CLPB: variants seen among roughly 807,000 people sequenced by gnomAD.
The protein encoded by CLPB is mitochondrial disaggregase.
CLPB carries 40 observed loss-of-function variants against 78.4 expected under a neutral mutation model. The observed-to-expected ratio is 0.51, with a 90% CI of 0.40 to 0.66. The LOEUF (loss-of-function observed/expected upper bound fraction) is 0.66. CLPB is among the 30% of genes least tolerant of loss of function. CLPB has a pLI of 0.00. For missense variants in CLPB, 780 were observed against 886.9 expected, an observed-to-expected ratio of 0.88 and a Z score of 1.53; for synonymous variants, 333 against 348.0, an observed-to-expected ratio of 0.96 and a Z score of 0.48.
Position 72,293,293 on chromosome 11 carries a change from T to C in CLPB, c.*74A>G, listed in dbSNP as rs975580184. The C allele has an allele frequency of 6.4e-6, 10 of 1,553,136 alleles. No homozygotes were observed. The highest frequency in any genetic ancestry group is 1.7e-5 in the Admixed American group (1 of 57,400). The stretch of plus-strand genomic sequence containing the variant: ...AGATGGGAGCGGCATGAGGGGAAGG[T>C]AAGTCAGTTGCCATGCCACAGCCAA... On this transcript the variant is annotated 3_prime_UTR_variant, in exon 16 of 16. Transcript: ENST00000538039.
intron 2 of CLPB, among the ~76,000 whole-genome samples, chr11:72,404,873 T>C (rs1347839940): frequency 6.6e-6 from 1 of 152,200 alleles, no homozygotes; most frequent in East Asian, 1.9e-4. Context: ...GAAGGTCCCT[T>C]ACTATACATA....
At chr11:72,399,920 G>A (rs2135072803) in intron 3 of CLPB, among the ~76,000 whole-genome samples, 1 of 152,250 alleles carries the variant, frequency 6.6e-6, no homozygotes, top group South Asian at 2.1e-4. Context: ...TGCTGGTATG[G>A]ATATGCTAAT....
intron 11 of CLPB, among the ~76,000 whole-genome samples, chr11:72,301,135 T>C (rs1949647714): frequency 6.6e-6 from 1 of 152,236 alleles, no homozygotes; most frequent in African/African-American, 2.4e-5. Context: ...TTAGTGATAA[T>C]GGCTGTAACG....
At chr11:72,422,276 A>AC (rs1489076835) in intron 2 of CLPB, among the ~76,000 whole-genome samples, 12 of 150,766 alleles carry the variant, frequency 8.0e-5, no homozygotes, top group Non-Finnish European at 1.0e-4. Flanking sequence ...AAAAAAAAAA[A>AC]AAAAAAAAAA....
chr11:72,331,630 AG>A (rs1438237082), intron 5 of CLPB, among the ~76,000 whole-genome samples: 1 of 129,738 alleles, frequency 7.7e-6, no homozygotes, highest in Non-Finnish European at 1.6e-5. Flanking sequence ...GCTGGAGTGC[AG>A]TGGCGTGATA....
At chr11:72,344,218 T>C (rs1950471341) in intron 5 of CLPB, among the ~76,000 whole-genome samples, 1 of 152,112 alleles carries the variant, frequency 6.6e-6, no homozygotes, top group South Asian at 2.1e-4. Context: ...TAAAAAAACA[T>C]ATTTTTTTGA....
At chr11:72,408,243 C>A in intron 2 of CLPB, 1 of 1,399,406 alleles carries the variant, frequency 7.1e-7, no homozygotes, top group Non-Finnish European at 9.8e-7. Flanking sequence ...CCCTGGAGTC[C>A]AAAGGCTGGA....
At chr11:72,410,586 A>G (rs1855847511) in intron 2 of CLPB, 2 of 152,234 alleles carry the variant, frequency 1.3e-5, no homozygotes, top group Non-Finnish European at 2.9e-5. Flanking sequence ...AGGATGATAC[A>G]GGAAAAGGTA....
intron 2 of CLPB, among the ~76,000 whole-genome samples, chr11:72,424,087 CAA>C (rs1274843753): frequency 2.6e-5 from 4 of 152,232 alleles, no homozygotes; most frequent in Non-Finnish European, 5.9e-5. Flanking sequence ...CCCAAACAGA[CAA>C]AGACAGTGGC....
At position 72,376,831 on chromosome 11, in the gene CLPB, C is replaced by A. The variant is rs529396756; in HGVS notation, c.646+3450G>T. On this transcript the variant is annotated intron_variant, in intron 4 of 15. Transcript: ENST00000538039. ...GGACTACAGGCATGCACCACCACGC[C>A]CTGCTAAGTTTTGTATTTTTAGTAG... Among the ~76,000 whole-genome samples, 789 of 152,170 alleles carry A rather than the reference C, an allele frequency of 5.2e-3. 5 individuals are homozygous for A. The highest frequency in any genetic ancestry group is 7.8e-3 in the Non-Finnish European group (530 of 68,024).
intron 3 of CLPB, among the ~76,000 whole-genome samples, chr11:72,398,365 G>T (rs1855467959): frequency 6.6e-6 from 1 of 152,192 alleles, no homozygotes; most frequent in Non-Finnish European, 1.5e-5. Context: ...CGAACTGGGT[G>T]CATGGGTTCG....
chr11:72,333,088 G>A (rs1380954808), intron 5 of CLPB: 1 of 152,198 alleles, frequency 6.6e-6, no homozygotes, highest in Non-Finnish European at 1.5e-5. Flanking sequence ...GCTCAGAAAA[G>A]TGAAATAACT....
At chr11:72,317,585 A>G (rs117864282) in intron 6 of CLPB, among the ~76,000 whole-genome samples, 312 of 152,332 alleles carry the variant, frequency 2.0e-3, no homozygotes, top group Non-Finnish European at 2.9e-3. Flanking sequence ...AAATATTAAT[A>G]TGATGATGTA....
chr11:72,405,121 G>A (rs966130060), intron 2 of CLPB, among the ~76,000 whole-genome samples: 3 of 152,172 alleles, frequency 2.0e-5, no homozygotes, highest in African/African-American at 4.8e-5. Context: ...GGCTTCTGAC[G>A]GCACAAACTT....
intron 1 of CLPB, among the ~76,000 whole-genome samples, chr11:72,432,461 G>T (rs576371507): frequency 6.6e-6 from 1 of 152,220 alleles, no homozygotes; most frequent in Admixed American, 6.5e-5. Context: ...CAATACTCCA[G>T]AAAGGCTTTC....
chr11:72,386,757 A>G (rs1702646239), intron 3 of CLPB, among the ~76,000 whole-genome samples: 1 of 152,238 alleles, frequency 6.6e-6, no homozygotes. Context: ...TTTATCCAGA[A>G]TATGAATTAA....
intron 2 of CLPB, among the ~76,000 whole-genome samples, chr11:72,426,707 G>A (rs1456108439): frequency 6.6e-6 from 1 of 152,228 alleles, no homozygotes; most frequent in African/African-American, 2.4e-5. Flanking sequence ...AAGTGCCGCT[G>A]TGCTGTGGAA....
chr11:72,293,964 G>A (rs887767402), intron 15 of CLPB, 58 bp downstream of exon 15: 7 of 1,447,608 alleles, frequency 4.8e-6, no homozygotes, highest in Non-Finnish European at 6.7e-6. Context: ...GACTGGGTCT[G>A]GGGGGCCCTG....
chr11:72,326,945 G>T (rs927786558), intron 6 of CLPB, among the ~76,000 whole-genome samples: 3 of 152,234 alleles, frequency 2.0e-5, no homozygotes, highest in Non-Finnish European at 4.4e-5. Context: ...GAGGGCTGAG[G>T]GGTGCTTCAC....
Sources: gnomAD v4.1 joint callset for allele counts (sites outside exome capture counted in the v4.1 genomes callset) on GRCh38, gnomAD v4.1.1 for gene constraint, MANE v1.5 for transcripts, NCBI Gene and HGNC (gene_info 2026-07-23, HGNC 2026-07-21) for gene names.